The following DLC1 variants were observed in gnomAD, a reference collection of about 807,000 sequenced individuals.
DLC1 encodes the protein rho GTPase-activating protein 7.
In DLC1, 54 loss-of-function variants were observed where a neutral mutation model predicts 140.3. That is an observed-to-expected ratio of 0.38 (90% CI 0.31 to 0.48). The LOEUF is 0.48. DLC1 is among the 20% of genes least tolerant of loss of function. The pLI, the probability that DLC1 is intolerant of heterozygous loss-of-function variation, is 0.96. For missense variants in DLC1, 2,536 were observed against 1,907.0 expected, an observed-to-expected ratio of 1.33 and a Z score of -6.14; for synonymous variants, 986 against 728.1, an observed-to-expected ratio of 1.35 and a Z score of -5.70.
At position 13,211,287 on chromosome 8, in the gene DLC1, G is replaced by A. The variant is rs200491939; in HGVS notation, c.1348+93982C>T. On this transcript the variant is annotated intron_variant, in intron 5 of 17. Transcript: ENST00000276297. ...AATATAGCTAGCCATCAATGCACAA[G>A]GGCTACTCTGTGCTACTTTGCCTAG... Among the ~76,000 whole-genome samples the A allele has an allele frequency of 1.1e-4, 16 of 152,286 alleles. No homozygotes were observed. The East Asian group carries it at 2.7e-3, about 26-fold the overall frequency.
intron 4 of DLC1, among the ~76,000 whole-genome samples, chr8:13,359,918 C>T (rs375390570): frequency 6.6e-4 from 100 of 152,238 alleles, no homozygotes; most frequent in African/African-American, 2.3e-3. Flanking sequence ...ATTGCAGATG[C>T]ATTTACACTT....
intron 4 of DLC1, among the ~76,000 whole-genome samples, chr8:13,326,526 A>G (rs1233481688): frequency 6.6e-6 from 1 of 152,232 alleles, no homozygotes; most frequent in Non-Finnish European, 1.5e-5. Flanking sequence ...AACTGGAGCC[A>G]GCTTATTAAG....
chr8:13,111,241 A>G (rs2128947247), intron 6 of DLC1, among the ~76,000 whole-genome samples: 1 of 152,318 alleles, frequency 6.6e-6, no homozygotes, highest in East Asian at 1.9e-4. Context: ...GGTCACGGAA[A>G]GAAAACTGAG....
intron 5 of DLC1, among the ~76,000 whole-genome samples, chr8:13,245,803 C>T (rs756692683): frequency 1.1e-4 from 17 of 152,194 alleles, no homozygotes; most frequent in Middle Eastern, 3.4e-3. Flanking sequence ...TGGGTTCAAG[C>T]GATTCTCTTG....
intron 5 of DLC1, among the ~76,000 whole-genome samples, chr8:13,200,600 G>C (rs1827325146): frequency 6.6e-6 from 1 of 151,834 alleles, no homozygotes; most frequent in Non-Finnish European, 1.5e-5. Flanking sequence ...TGTTGTTGTT[G>C]TGTGTGTGTG....
intron 5 of DLC1, among the ~76,000 whole-genome samples, chr8:13,143,004 T>C (rs1342227443): frequency 6.6e-6 from 1 of 150,580 alleles, no homozygotes; most frequent in Non-Finnish European, 1.5e-5. Context: ...GATTGTGCCG[T>C]TGCGCTCCAG....
At chr8:13,147,283 A>G (rs1823505517) in intron 5 of DLC1, among the ~76,000 whole-genome samples, 1 of 152,192 alleles carries the variant, frequency 6.6e-6, no homozygotes, top group Non-Finnish European at 1.5e-5. Context: ...CTGAAGATGA[A>G]TGATGAATGA....
chr8:13,105,617 C>A (rs1260437546), intron 7 of DLC1, among the ~76,000 whole-genome samples: 1 of 146,440 alleles, frequency 6.8e-6, no homozygotes. Flanking sequence ...TGGAGACAGT[C>A]TTGCTCTATT....
At chr8:13,276,573 AGC>A in intron 5 of DLC1, 2 of 1,266,036 alleles carry the variant, frequency 1.6e-6, no homozygotes, top group Non-Finnish European at 2.0e-6. Flanking sequence ...CCCGCGGCCA[AGC>A]GCGCGCGGCG....
At chr8:13,256,590 G>T (rs908104322) in intron 5 of DLC1, among the ~76,000 whole-genome samples, 1 of 152,050 alleles carries the variant, frequency 6.6e-6, no homozygotes, top group Non-Finnish European at 1.5e-5. Flanking sequence ...GAATGAAGCT[G>T]GAAACCATCA....
In DLC1 at chr8:13,099,956, T is replaced by C. The variant is rs772610710; in HGVS notation, c.2381A>G (p.Asn794Ser). 7 of 1,613,126 alleles carry C rather than the reference T, an allele frequency of 4.3e-6. No homozygotes were observed. In the African/African-American group the frequency reaches 9.3e-5, roughly 22 times the overall value. Residue 794 changes from asparagine (N) to serine (S), a missense_variant, in exon 9 of 18, where the codon AAC becomes AGC. Coordinates refer to ENST00000276297, the MANE Select transcript of DLC1 (RefSeq NM_182643.3). ...QSTFNNVVEQ[N>S]FKNRESYPED... Reference sequence around the variant, plus strand: ...TGGGTAGCTCTCGCGGTTCTTAAAGTTCTGCTCCACCACGTTGTTAAATGT... The same window carrying C: ...TGGGTAGCTCTCGCGGTTCTTAAAGCTCTGCTCCACCACGTTGTTAAATGT...
At chr8:13,385,196 T>C (rs1836462734) in intron 4 of DLC1, among the ~76,000 whole-genome samples, 1 of 152,182 alleles carries the variant, frequency 6.6e-6, no homozygotes, top group Non-Finnish European at 1.5e-5. Flanking sequence ...GGTAAATGCT[T>C]ATCTAGTAAA....
In DLC1 at chr8:13,498,035, C is replaced by A. The variant is rs757647797; in HGVS notation, c.1023+1014G>T. On this transcript the variant is annotated intron_variant, in intron 2 of 17. Transcript: ENST00000276297. Reference sequence around the variant, plus strand: ...TTTTTTTCTCTCTCATGGTAGATAGCCCCAGTTGAACAGAACAAAGAACAT... The same window carrying A: ...TTTTTTTCTCTCTCATGGTAGATAGACCCAGTTGAACAGAACAAAGAACAT... Among the ~76,000 whole-genome samples the A allele has an allele frequency of 2.8e-4, 43 of 152,028 alleles. 2 individuals carry two copies. Among genetic ancestry groups the A allele is most frequent in the Admixed American group, 1.3e-4 (2 of 15,250 alleles).
chr8:13,238,589 T>C (rs1379928326), intron 5 of DLC1, among the ~76,000 whole-genome samples: 1 of 151,252 alleles, frequency 6.6e-6, no homozygotes, highest in Non-Finnish European at 1.5e-5. Context: ...AGGGAAGTTA[T>C]CAGTACCCTT....
At chr8:13,552,111 GTATATATATATA>G (rs3066465) in intron 1 of DLC1, among the ~76,000 whole-genome samples, 96 of 54,528 alleles carry the variant, frequency 1.8e-3, no homozygotes, top group Admixed American at 5.4e-3. Flanking sequence ...GTCTAGAGGT[GTATATATATATA>G]TATATATATA....
rs546059742 is a variant in DLC1, at chr8:13,414,669, G to A, written c.1024-13050C>T. ...AAAAGATAAGATTCAAAGAGACTTCGTAAGTGAGCACATAAAATATAGTTA... is the reference window on the plus strand; with the variant it reads ...AAAAGATAAGATTCAAAGAGACTTCATAAGTGAGCACATAAAATATAGTTA... On this transcript the variant is annotated intron_variant, in intron 2 of 17. Coordinates refer to ENST00000276297, the MANE Select transcript of DLC1 (RefSeq NM_182643.3). Among the ~76,000 whole-genome samples the A allele has an allele frequency of 7.2e-5, 11 of 152,272 alleles. No homozygotes were observed. In the East Asian group the frequency reaches 7.7e-4, roughly 11 times the overall value.
In DLC1 at chr8:13,099,661, C is replaced by A. The variant is rs760965170; in HGVS notation, c.2676G>T (p.Gly892=). The change falls in exon 9 of 18, where the codon GGG becomes GGT. Residue 892 remains glycine, a synonymous_variant. Coordinates refer to ENST00000276297, the MANE Select transcript of DLC1 (RefSeq NM_182643.3). ...VPGSILYSSS[G]DLADLENEDI... is the part of the protein sequence containing the mutation. ...CCTCGTTCTCCAGATCCGCCAGGTCCCCTGAACTGGAGTAGAGGATGGAGC... is the reference window on the plus strand; with the variant it reads ...CCTCGTTCTCCAGATCCGCCAGGTCACCTGAACTGGAGTAGAGGATGGAGC... 24 of 1,614,054 alleles carry A rather than the reference C, an allele frequency of 1.5e-5. No homozygotes were observed. Among genetic ancestry groups the A allele is most frequent in the Non-Finnish European group, 2.0e-5 (24 of 1,180,038 alleles).
chr8:13,132,860 G>A, intron 5 of DLC1: 1 of 1,490,278 alleles, frequency 6.7e-7, no homozygotes, highest in Non-Finnish European at 9.2e-7. Flanking sequence ...ACTTGACAAG[G>A]CGGGGTGACA....
intron 5 of DLC1, among the ~76,000 whole-genome samples, chr8:13,173,348 T>G (rs545317851): frequency 6.0e-4 from 91 of 151,578 alleles, no homozygotes; most frequent in African/African-American, 2.1e-3. Flanking sequence ...CAAATAATGC[T>G]TCTTTCTTTG....
Sources: gnomAD v4.1 joint callset for allele counts (sites outside exome capture counted in the v4.1 genomes callset) on GRCh38, gnomAD v4.1.1 for gene constraint, MANE v1.5 for transcripts, NCBI Gene and HGNC (gene_info 2026-07-23, HGNC 2026-07-21) for gene names.